The following CRYL1 variants were observed in gnomAD, a reference collection of about 807,000 sequenced individuals.
The protein encoded by CRYL1 is crystallin lambda 1, also known as lambda-crystallin homolog.
In CRYL1, 29 loss-of-function variants were observed where a neutral mutation model predicts 36.6. That is an observed-to-expected ratio of 0.79 (90% confidence interval 0.59 to 1.08). CRYL1 has a LOEUF of 1.08. Ranked by LOEUF, CRYL1 falls within the 50% of genes least tolerant of loss-of-function variation. The pLI is 0.00. For missense variants in CRYL1, 411 were observed against 407.9 expected (o/e 1.01, Z -0.06); for synonymous variants, 152 against 151.5 (o/e 1.00, Z -0.02).
chr13:20,430,491 A>G, intron 5 of CRYL1: 1 of 985,410 alleles, frequency 1.0e-6, no homozygotes, highest in Non-Finnish European at 1.2e-6. Context: ...GAAGAGGGAC[A>G]ACCAAAAGCA....
At chr13:20,470,801 T>C (rs1178022944) in intron 3 of CRYL1, among the ~76,000 whole-genome samples, 1 of 150,656 alleles carries the variant, frequency 6.6e-6, no homozygotes, top group Non-Finnish European at 1.5e-5. Flanking sequence ...TCCCAGCTAC[T>C]CGGGAGGCTG....
At chr13:20,510,926 T>C (rs2033903989) in intron 2 of CRYL1, among the ~76,000 whole-genome samples, 1 of 152,124 alleles carries the variant, frequency 6.6e-6, no homozygotes, top group Admixed American at 6.6e-5. Flanking sequence ...AAAGACTGTG[T>C]CTACATTATC....
intron 3 of CRYL1, among the ~76,000 whole-genome samples, chr13:20,455,030 C>A (rs2032651827): frequency 6.6e-6 from 1 of 152,114 alleles, no homozygotes; most frequent in African/African-American, 2.4e-5. Flanking sequence ...GACATAAATG[C>A]CTACATAGAA....
intron 5 of CRYL1, chr13:20,426,752 T>A: frequency 1.0e-6 from 1 of 985,380 alleles, no homozygotes; most frequent in South Asian, 4.7e-5. Context: ...ACTAAAACAA[T>A]GTCTCCTAAC....
chr13:20,409,858 G>A (rs2031474225), intron 6 of CRYL1, among the ~76,000 whole-genome samples: 1 of 152,104 alleles, frequency 6.6e-6, no homozygotes, highest in Non-Finnish European at 1.5e-5. Flanking sequence ...AGTTAGAATG[G>A]CAATCATTAA....
At chr13:20,427,126 T>G in intron 5 of CRYL1, 5 of 985,494 alleles carry the variant, frequency 5.1e-6, no homozygotes, top group Non-Finnish European at 6.0e-6. Context: ...CAACACAATG[T>G]CCTTCATTAT....
intron 3 of CRYL1, among the ~76,000 whole-genome samples, chr13:20,478,499 A>G (rs965199364): frequency 9.2e-5 from 14 of 152,140 alleles, no homozygotes; most frequent in Non-Finnish European, 1.6e-4. Flanking sequence ...TTTTTGAAAC[A>G]GGGTCTTACT....
intron 5 of CRYL1, among the ~76,000 whole-genome samples, chr13:20,428,543 C>T (rs767292813): frequency 6.6e-6 from 1 of 152,112 alleles, no homozygotes; most frequent in East Asian, 1.9e-4. Context: ...AGGATTATTC[C>T]GAGTATGTGA....
rs201352003 is a variant in CRYL1, at chr13:20,470,903, T to TC, written c.276+18466dup. On this transcript the variant is annotated intron_variant, in intron 3 of 7. Transcript: ENST00000298248. ...CCAGCCTGGGCAAAAAGAGCAAAAC[T>TC]CCATCTCAAAAAAAAAAAAAAAACA... is the stretch of plus-strand genomic sequence containing the variant. 5.5e-5 allele frequency among the ~76,000 whole-genome samples: 3 copies of TC among 54,198 alleles called. No homozygotes were observed. In the East Asian group the frequency reaches 1.5e-3, roughly 27 times the overall value. 35.6% of individuals were successfully genotyped at this position (54,198 alleles called of 152,430 possible).
intron 3 of CRYL1, among the ~76,000 whole-genome samples, chr13:20,467,473 CTA>C: frequency 6.6e-6 from 1 of 152,182 alleles, no homozygotes; most frequent in East Asian, 1.9e-4. Context: ...CTATATTATT[CTA>C]TGAGTTTTTG....
At chr13:20,406,067 C>G (rs1338743659) in intron 6 of CRYL1, 1 of 152,212 alleles carries the variant, frequency 6.6e-6, no homozygotes, top group Non-Finnish European at 1.5e-5. Flanking sequence ...GCTACTGCTG[C>G]GACCCTGACT....
intron 1 of CRYL1, among the ~76,000 whole-genome samples, chr13:20,517,740 A>T (rs991646579): frequency 3.3e-5 from 5 of 151,964 alleles, no homozygotes; most frequent in African/African-American, 1.2e-4. Flanking sequence ...ATCGAGACCA[A>T]CCTGGCTAAC....
At chr13:20,519,916 C>T (rs1210972797) in intron 1 of CRYL1, among the ~76,000 whole-genome samples, 1 of 9,880 alleles carries the variant, frequency 1.0e-4, no homozygotes, top group Non-Finnish European at 3.5e-3. Context: ...ATGTTTTACA[C>T]ATGATGATGC....
At chr13:20,460,373 T>C (rs989287823) in intron 3 of CRYL1, among the ~76,000 whole-genome samples, 1 of 152,178 alleles carries the variant, frequency 6.6e-6, no homozygotes, top group Non-Finnish European at 1.5e-5. Flanking sequence ...AATTACTAAT[T>C]GCCAAATTAT....
Position 20,525,764 on chromosome 13 carries a change from T to A in CRYL1, c.31A>T (p.Ile11Phe). 7.6e-7 allele frequency: 1 copy of A among 1,319,348 alleles called. No individual in the cohort carries two copies. Among genetic ancestry groups the A allele is most frequent in the East Asian group, 3.1e-5 (1 of 31,978 alleles). The allele number at this position is 1,319,348 out of a possible 1,614,324, so 81.7% of individuals were successfully genotyped here. Reference sequence around the variant, plus strand: ...CTCGGAGCCCTTTACCTGCCAACGATCACCACGCAGCCGGCCGCGGAGGAC... The same window carrying A: ...CTCGGAGCCCTTTACCTGCCAACGAACACCACGCAGCCGGCCGCGGAGGAC... MASSAAGCVV[I>F]VGSGVIGRSW... The change falls in exon 1 of 8, where the codon ATC becomes TTC. Residue 11 changes from isoleucine (I) to phenylalanine (F), a missense_variant. Ile to Phe is a conservative substitution (Grantham distance 21, BLOSUM62 0). Transcript: ENST00000298248. This position sits in a 1 kb window ranked among gnomAD's most constrained non-coding sequence, Gnocchi z 4.3.
In CRYL1 at chr13:20,404,683, A is replaced by G. The variant is rs762707870; in HGVS notation, c.798T>C (p.Phe266=). The change falls in exon 7 of 8, where the codon TTT becomes TTC. Residue 266 remains phenylalanine (F), a synonymous_variant. Transcript: ENST00000298248. ...CCCTGGAAAACTCTGGAATGGGTCCAAAAGTCTGTAGGACATGTTTTATGC... is the reference window on the plus strand; with the variant it reads ...CCCTGGAAAACTCTGGAATGGGTCCGAAAGTCTGTAGGACATGTTTTATGC... ...SEGIKHVLQT[F]GPIPEFSRAT... The G allele has an allele frequency of 6.8e-6, 11 of 1,613,944 alleles. No homozygotes were observed. The African/African-American group carries it at 1.1e-4, about 16-fold the overall frequency.
chr13:20,507,727 G>C (rs538223342), intron 2 of CRYL1, among the ~76,000 whole-genome samples: 3 of 152,118 alleles, frequency 2.0e-5, no homozygotes, highest in Admixed American at 6.5e-5. Context: ...GACCATCCTG[G>C]CTAACACAGT....
intron 4 of CRYL1, among the ~76,000 whole-genome samples, chr13:20,434,175 G>A (rs1466687292): frequency 6.6e-6 from 1 of 152,184 alleles, no homozygotes; most frequent in Non-Finnish European, 1.5e-5. Flanking sequence ...CCTGGCCCCT[G>A]CCTCTCCCTA....
intron 2 of CRYL1, among the ~76,000 whole-genome samples, chr13:20,497,715 CCACA>C (rs1409939209): frequency 6.7e-6 from 1 of 149,926 alleles, no homozygotes; most frequent in African/African-American, 2.5e-5. Flanking sequence ...CCTACACACA[CCACA>C]CAAACACACA....
Sources: allele counts gnomAD v4.1 joint callset (sites outside exome capture counted in the v4.1 genomes callset), GRCh38; gene constraint gnomAD v4.1.1; non-coding constraint Gnocchi (gnomAD v3.1); transcripts MANE v1.5; gene names NCBI Gene and HGNC (gene_info 2026-07-23, HGNC 2026-07-21).